MLLT1: variants seen among roughly 807,000 people sequenced by gnomAD.
The protein encoded by MLLT1 is MLLT1 super elongation complex subunit.
In MLLT1, 11 loss-of-function variants were observed where a neutral mutation model predicts 55.1. That is an observed-to-expected ratio of 0.20 (90% confidence interval 0.13 to 0.33). The LOEUF is 0.33. Among genes scored for constraint, MLLT1 ranks in the 10% least tolerant of loss-of-function variants. MLLT1 has a pLI of 1.00. For missense variants in MLLT1, 536 were observed against 760.6 expected, an observed-to-expected ratio of 0.70 and a Z score of 3.47; for synonymous variants, 323 against 320.1, an observed-to-expected ratio of 1.01 and a Z score of -0.10.
chr19:6,229,276 C>T lies in MLLT1; in HGVS notation c.420+1294G>A, dbSNP rs3787062. Among the ~76,000 whole-genome samples the T allele has an allele frequency of 3.3e-5, 5 of 151,992 alleles. No homozygotes were observed. The highest frequency in any genetic ancestry group is 7.4e-5 in the Non-Finnish European group (5 of 67,966). ...CAGCCACGCCATCCACATAGGCCCA[C>T]GCCGGCACTGCCCTCCCCGGATCAG... On this transcript the variant is annotated intron_variant, in intron 4 of 11. Coordinates refer to ENST00000252674, the MANE Select transcript of MLLT1 (RefSeq NM_005934.4). This position sits in a 1 kb window ranked among gnomAD's most constrained non-coding sequence, Gnocchi z 5.2.
rs372947827 is a variant in MLLT1 at position 6,212,811 on chromosome 19, G to A, written c.*231C>T. The A allele has an allele frequency of 1.1e-6, 1 of 906,612 alleles. No homozygotes were observed. The highest frequency in any genetic ancestry group is 3.4e-5 in the East Asian group (1 of 29,632). The allele number at this position is 906,612 out of a possible 1,614,324, so 56.2% of individuals were successfully genotyped here. ...AGCCGCTCTCTGAGGGGAGCCCAGA[G>A]AGCCCGGGGGGCGGCTCCCGTGTGG... On this transcript the variant is annotated 3_prime_UTR_variant, in exon 12 of 12. Coordinates refer to ENST00000252674, the MANE Select transcript of MLLT1 (RefSeq NM_005934.4).
At position 6,235,122 on chromosome 19, in the gene MLLT1, G is replaced by A. The variant is rs1407705007; in HGVS notation, c.277-4409C>T. Among the ~76,000 whole-genome samples, 1 of 152,238 alleles carries A rather than the reference G, an allele frequency of 6.6e-6. No homozygotes were observed. The highest frequency in any genetic ancestry group is 2.4e-5 in the African/African-American group (1 of 41,468). ...CAGAATGACCAGGAGGGCAGCGCAG[G>A]CTGGAACGGGCTTGGCTGTGCAGGG... On this transcript the variant is annotated intron_variant, in intron 3 of 11. Coordinates refer to ENST00000252674, the MANE Select transcript of MLLT1 (RefSeq NM_005934.4). The surrounding 1 kb of genome is among the most constrained non-coding windows in gnomAD (Gnocchi z 5.5).
chr19:6,247,140 G>A (rs761592633), intron 3 of MLLT1, among the ~76,000 whole-genome samples: 3 of 152,090 alleles, frequency 2.0e-5, no homozygotes, highest in Admixed American at 6.5e-5. Context: ...AGGAACGTAC[G>A]TTTGTTTTCA....
chr19:6,221,225 G>C (rs2090893977), intron 6 of MLLT1, among the ~76,000 whole-genome samples: 1 of 152,222 alleles, frequency 6.6e-6, no homozygotes, highest in Non-Finnish European at 1.5e-5. Flanking sequence ...GCTGGGGCTG[G>C]CAACAGAGGT....
chr19:6,217,611 C>T lies in MLLT1; in HGVS notation c.1198+343G>A, dbSNP rs114517726. 1.0e-2 allele frequency among the ~76,000 whole-genome samples: 1,522 copies of T among 152,284 alleles called. 26 individuals carry two copies. Among genetic ancestry groups the T allele is most frequent in the African/African-American group, 0.034 (1,430 of 41,544 alleles). ...GGCCCTGGGGAGCGGGTGGGATGGG[C>T]GGAGGAGGTGACGCCGTCCGTCCAT... On this transcript the variant is annotated intron_variant, in intron 7 of 11. Transcript: ENST00000252674.
chr19:6,236,479 A>G (rs1272115348), intron 3 of MLLT1, among the ~76,000 whole-genome samples: 1 of 152,172 alleles, frequency 6.6e-6, no homozygotes, highest in Non-Finnish European at 1.5e-5. Context: ...GAAGGCAGCC[A>G]CGACGAGGAG....
intron 3 of MLLT1, among the ~76,000 whole-genome samples, chr19:6,246,448 GA>G (rs1181870622): frequency 6.6e-6 from 1 of 152,110 alleles, no homozygotes; most frequent in Non-Finnish European, 1.5e-5. Flanking sequence ...AACACTCCTC[GA>G]AAAAACACAA....
chr19:6,214,060 C>T, intron 8 of MLLT1, 22 bp from the exon 9 acceptor site: 1 of 1,376,856 alleles, frequency 7.3e-7, no homozygotes, highest in Non-Finnish European at 9.5e-7. Flanking sequence ...CACGGGGGCG[C>T]ATCAGGCCCC....
chr19:6,221,243 C>T (rs1239168791), intron 6 of MLLT1, among the ~76,000 whole-genome samples: 1 of 152,184 alleles, frequency 6.6e-6, no homozygotes, highest in Non-Finnish European at 1.5e-5. Flanking sequence ...GGTAAATGGC[C>T]CAACCCTCAT....
At chr19:6,275,016 G>C (rs1408865008) in intron 1 of MLLT1, among the ~76,000 whole-genome samples, 1 of 152,252 alleles carries the variant, frequency 6.6e-6, no homozygotes, top group Non-Finnish European at 1.5e-5. Flanking sequence ...CCCCAGGTGT[G>C]GGCTACAGCG....
intron 7 of MLLT1, among the ~76,000 whole-genome samples, chr19:6,217,613 G>A (rs2090857804): frequency 6.6e-6 from 1 of 152,222 alleles, no homozygotes; most frequent in Admixed American, 6.5e-5. Context: ...GGGATGGGCG[G>A]AGGAGGTGAC....
rs1315122003 is a variant in MLLT1 at position 6,243,752 on chromosome 19, G to A, written c.277-13039C>T. Among the ~76,000 whole-genome samples, 4 of 152,050 alleles carry A rather than the reference G, an allele frequency of 2.6e-5. No homozygotes were observed. The South Asian group carries it at 6.2e-4, about 24-fold the overall frequency. ...CCATCCTCTCAGCCTCACATAAGAA[G>A]AAGTCAATCGGCCGGGCACGGTGGC... On this transcript the variant is annotated intron_variant, in intron 3 of 11. Transcript: ENST00000252674.
intron 3 of MLLT1, among the ~76,000 whole-genome samples, chr19:6,245,408 T>A (rs1236411343): frequency 1.3e-5 from 2 of 151,512 alleles, no homozygotes; most frequent in East Asian, 2.0e-4. Flanking sequence ...AAAGTTTTTT[T>A]AATAACTCAC....
intron 1 of MLLT1, among the ~76,000 whole-genome samples, chr19:6,277,952 TAAG>T (rs1225233680): frequency 7.9e-5 from 12 of 152,324 alleles, no homozygotes; most frequent in African/African-American, 2.2e-4. Context: ...CCTTACCTCT[TAAG>T]AAGAAGGCAG....
chr19:6,262,515 A>G lies in MLLT1; in HGVS notation c.194-205T>C, dbSNP rs1417841220. ...CTTAGGAATAAAACAGCAGGGAAGA[A>G]GAGGAGAAAGGAGACTTGGCCACCG... On this transcript the variant is annotated intron_variant, in intron 2 of 11. Transcript: ENST00000252674. The surrounding 1 kb of genome is among the most constrained non-coding windows in gnomAD (Gnocchi z 4.4). 1.3e-5 allele frequency among the ~76,000 whole-genome samples: 2 copies of G among 152,150 alleles called. No individual in the cohort carries two copies. The highest frequency in any genetic ancestry group is 4.8e-5 in the African/African-American group (2 of 41,422).
chr19:6,277,482 T>A (rs2091433693), intron 1 of MLLT1, among the ~76,000 whole-genome samples: 1 of 152,164 alleles, frequency 6.6e-6, no homozygotes, highest in African/African-American at 2.4e-5. Flanking sequence ...GAACTGAAGT[T>A]GTCATTCGAG....
At position 6,234,511 on chromosome 19, in the gene MLLT1, C is replaced by A. The variant is rs77885009; in HGVS notation, c.277-3798G>T. 7.9e-3 allele frequency among the ~76,000 whole-genome samples: 1,207 copies of A among 152,260 alleles called. 19 individuals carry two copies. The highest frequency in any genetic ancestry group is 0.027 in the African/African-American group (1,131 of 41,550). On this transcript the variant is annotated intron_variant, in intron 3 of 11. Coordinates refer to ENST00000252674, the MANE Select transcript of MLLT1 (RefSeq NM_005934.4). ...CAGAAGTGACACCACTAGGTGAACC[C>A]GGAGAAGGCAAGCAGCTAACCTGCA...
intron 3 of MLLT1, among the ~76,000 whole-genome samples, chr19:6,260,588 G>A (rs2091296222): frequency 6.6e-6 from 1 of 152,270 alleles, no homozygotes; most frequent in Non-Finnish European, 1.5e-5. Context: ...AGCAGCCGGA[G>A]CCCCTTGCCT....
At chr19:6,216,873 G>C (rs533546968) in intron 7 of MLLT1, 1 of 227,308 alleles carries the variant, frequency 4.4e-6, no homozygotes, top group Non-Finnish European at 8.7e-6. Context: ...GCCCAGGGAG[G>C]GCGAGGGAGC....
Sources: gnomAD v4.1 joint callset for allele counts (sites outside exome capture counted in the v4.1 genomes callset) on GRCh38, gnomAD v4.1.1 for gene constraint, Gnocchi (gnomAD v3.1) non-coding constraint, MANE v1.5 for transcripts, NCBI Gene and HGNC (gene_info 2026-07-23, HGNC 2026-07-21) for gene names.